The following RANBP2 variants were observed in gnomAD, a reference collection of about 807,000 sequenced individuals.
RANBP2 encodes E3 SUMO-protein ligase RanBP2.
Under a neutral mutation model 303.6 loss-of-function variants are expected in RANBP2, and 57 were observed. The ratio of observed to expected loss-of-function variants is 0.19; its 90% CI spans 0.15 to 0.23. The LOEUF (loss-of-function observed/expected upper bound fraction) is 0.23, where lower values mean the gene tolerates loss of function less well. Among genes scored for constraint, RANBP2 ranks in the 10% least tolerant of loss-of-function variants. The pLI is 1.00. For synonymous variants in RANBP2, 1,167 were observed against 1,301.5 expected (o/e 0.90, Z 2.23); for missense variants, 3,138 against 3,780.8 (o/e 0.83, Z 4.46).
the RANBP2 span, among the ~76,000 whole-genome samples, chr2:108,946,443 C>A: frequency 6.6e-6 from 1 of 152,168 alleles, no homozygotes; most frequent in Non-Finnish European, 1.5e-5. Context: ...ATTGGCAGCA[C>A]CAAACAATTC....
chr2:109,275,591 C>T, the RANBP2 span, among the ~76,000 whole-genome samples: 2 of 152,214 alleles, frequency 1.3e-5, no homozygotes, highest in Admixed American at 6.5e-5. Context: ...GCCCCGCACC[C>T]GCCGTGCTTC....
At chr2:108,795,789 A>G in the RANBP2 span, among the ~76,000 whole-genome samples, 2 of 152,310 alleles carry the variant, frequency 1.3e-5, no homozygotes, top group East Asian at 1.9e-4. Context: ...TGATTGTCCA[A>G]TTGTGCATTT....
the RANBP2 span, among the ~76,000 whole-genome samples, chr2:109,249,835 A>C: frequency 2.4e-4 from 36 of 148,658 alleles, no homozygotes; most frequent in South Asian, 3.4e-3. Context: ...TTTTTGTTTT[A>C]TTTATTTATT....
the RANBP2 span, among the ~76,000 whole-genome samples, chr2:109,179,182 C>CTCA: frequency 6.6e-6 from 1 of 152,154 alleles, no homozygotes; most frequent in African/African-American, 2.4e-5. Context: ...ACGTATCTTG[C>CTCA]AGCTGCGTGG....
chr2:109,071,422 C>T, the RANBP2 span, among the ~76,000 whole-genome samples: 2 of 152,140 alleles, frequency 1.3e-5, no homozygotes, highest in Non-Finnish European at 2.9e-5. Flanking sequence ...GGCAGTAATC[C>T]CAACACTTTG....
chr2:109,540,054 T>G, the RANBP2 span, among the ~76,000 whole-genome samples: 2 of 152,218 alleles, frequency 1.3e-5, no homozygotes, highest in African/African-American at 4.8e-5. Context: ...CTGGGATTGC[T>G]GGGTTGTATG....
At chr2:109,018,801 C>T in the RANBP2 span, among the ~76,000 whole-genome samples, 19,902 of 152,208 alleles carry the variant, frequency 0.13, 1,894 homozygotes, top group African/African-American at 0.27. Flanking sequence ...GCTGAGAGCA[C>T]GTACAGCAAC....
chr2:108,967,404 G>A, the RANBP2 span, among the ~76,000 whole-genome samples: 1 of 152,208 alleles, frequency 6.6e-6, no homozygotes, highest in South Asian at 2.1e-4. Context: ...AATGGTTTGA[G>A]GGCTTGTGGG....
the RANBP2 span, among the ~76,000 whole-genome samples, chr2:109,379,467 C>G: frequency 2.9e-4 from 44 of 152,352 alleles, no homozygotes; most frequent in East Asian, 7.3e-3. Context: ...CCCTACACTT[C>G]TGCTGACAGA....
chr2:109,409,070 C>T, the RANBP2 span, among the ~76,000 whole-genome samples: 1 of 152,210 alleles, frequency 6.6e-6, no homozygotes, highest in African/African-American at 2.4e-5. Context: ...TCCTTGTTGA[C>T]GTTTTGAGAT....
chr2:109,046,440 C>T, the RANBP2 span, among the ~76,000 whole-genome samples: 5 of 127,760 alleles, frequency 3.9e-5, no homozygotes, highest in African/African-American at 9.0e-5. Flanking sequence ...GAGTTTCACT[C>T]TTGTTGCCCA....
the RANBP2 span, among the ~76,000 whole-genome samples, chr2:109,425,698 GA>G: frequency 1.3e-5 from 2 of 151,472 alleles, no homozygotes; most frequent in African/African-American, 4.9e-5. Flanking sequence ...CTACTGCTCA[GA>G]AAAAAAAGAT....
intron 18 of RANBP2, among the ~76,000 whole-genome samples, chr2:108,759,942 T>G (rs1172702101): frequency 2.0e-5 from 3 of 152,184 alleles, no homozygotes; most frequent in African/African-American, 7.2e-5. Flanking sequence ...GTGAAATGTG[T>G]AGAAGCAGCA....
At chr2:109,317,619 T>C in the RANBP2 span, among the ~76,000 whole-genome samples, 3 of 152,200 alleles carry the variant, frequency 2.0e-5, no homozygotes, top group East Asian at 3.9e-4. Context: ...TTTCTGTGAC[T>C]TGCTGGGCCT....
At chr2:109,510,344 G>A in the RANBP2 span, among the ~76,000 whole-genome samples, 1 of 152,216 alleles carries the variant, frequency 6.6e-6, no homozygotes, top group African/African-American at 2.4e-5. Context: ...TCGTATGAAT[G>A]TGGGAAGCTG....
the RANBP2 span, among the ~76,000 whole-genome samples, chr2:108,816,319 C>T: frequency 6.6e-6 from 1 of 151,994 alleles, no homozygotes; most frequent in African/African-American, 2.4e-5. Context: ...GGCATTTTGG[C>T]ACGTGCCTGT....
At chr2:109,162,816 A>G in the RANBP2 span, among the ~76,000 whole-genome samples, 11 of 152,206 alleles carry the variant, frequency 7.2e-5, no homozygotes, top group Non-Finnish European at 1.0e-4. Flanking sequence ...CAATGAGAAT[A>G]ATGTTTAGCC....
the RANBP2 span, among the ~76,000 whole-genome samples, chr2:109,028,937 ATTTG>A: frequency 1.0e-4 from 15 of 149,970 alleles, no homozygotes; most frequent in South Asian, 2.1e-4. Context: ...TTATTTATTT[ATTTG>A]TTTGTTTATT....
chr2:109,374,035 G>A, the RANBP2 span, among the ~76,000 whole-genome samples: 11 of 152,166 alleles, frequency 7.2e-5, no homozygotes, highest in Non-Finnish European at 1.0e-4. Flanking sequence ...CAGCATGACT[G>A]CCTGTGGGTC....
Sources: gnomAD v4.1 joint callset for allele counts (sites outside exome capture counted in the v4.1 genomes callset) on GRCh38, gnomAD v4.1.1 for gene constraint, MANE v1.5 for transcripts, NCBI Gene and HGNC (gene_info 2026-07-23, HGNC 2026-07-21) for gene names.